The following ARHGAP42 variants were observed in gnomAD, a reference collection of about 807,000 sequenced individuals.
ARHGAP42 encodes the protein rho GTPase-activating protein 42.
A neutral mutation model predicts 125.0 loss-of-function variants in ARHGAP42; 63 were observed. That is an observed-to-expected ratio of 0.50 (90% CI 0.41 to 0.62). The LOEUF (loss-of-function observed/expected upper bound fraction) is 0.62, where lower values mean the gene tolerates loss of function less well. Among genes scored for constraint, ARHGAP42 ranks in the 20% least tolerant of loss-of-function variants. The probability of loss-of-function intolerance (pLI) is 0.00; values close to 1 mark genes in which losing one functional copy is unlikely to be tolerated. For synonymous variants in ARHGAP42, 339 were observed against 351.0 expected (o/e 0.97, Z 0.38); for missense variants, 766 against 1,024.2 (o/e 0.75, Z 3.44).
intron 12 of ARHGAP42, among the ~76,000 whole-genome samples, chr11:100,954,856 A>G (rs1304577446): frequency 6.6e-6 from 1 of 152,164 alleles, no homozygotes; most frequent in Non-Finnish European, 1.5e-5. Flanking sequence ...TAAATGTACT[A>G]ATTTATTTTT....
chr11:100,840,222 A>G (rs1222445351), intron 3 of ARHGAP42, among the ~76,000 whole-genome samples: 1 of 152,160 alleles, frequency 6.6e-6, no homozygotes, highest in Non-Finnish European at 1.5e-5. Context: ...CCTACAAAGT[A>G]ACGTCACAAA....
intron 2 of ARHGAP42, among the ~76,000 whole-genome samples, chr11:100,772,774 A>T (rs1173007777): frequency 6.6e-6 from 1 of 152,236 alleles, no homozygotes; most frequent in African/African-American, 2.4e-5. Flanking sequence ...TAAAATACAA[A>T]TATATTAGCA....
intron 8 of ARHGAP42, among the ~76,000 whole-genome samples, chr11:100,938,679 C>G (rs1036252413): frequency 2.6e-5 from 4 of 152,090 alleles, no homozygotes; most frequent in African/African-American, 9.7e-5. Context: ...CTGTTCCCAC[C>G]TATCATCTTC....
chr11:100,898,273 G>T (rs1168854586), intron 4 of ARHGAP42, among the ~76,000 whole-genome samples: 1 of 152,170 alleles, frequency 6.6e-6, no homozygotes, highest in Non-Finnish European at 1.5e-5. Flanking sequence ...TTACGTCGAT[G>T]TTCATCAGGG....
intron 3 of ARHGAP42, among the ~76,000 whole-genome samples, chr11:100,813,415 G>A (rs945300878): frequency 6.6e-6 from 1 of 152,188 alleles, no homozygotes; most frequent in South Asian, 2.1e-4. Context: ...GGGACTGTAG[G>A]GGGTAACAGG....
intron 1 of ARHGAP42, among the ~76,000 whole-genome samples, chr11:100,748,716 T>C (rs1862365544): frequency 6.6e-6 from 1 of 152,260 alleles, no homozygotes; most frequent in Non-Finnish European, 1.5e-5. Context: ...TATGGGTTAC[T>C]GGGTTAAGGA....
chr11:100,785,893 G>C (rs1264871945), intron 2 of ARHGAP42, among the ~76,000 whole-genome samples: 4 of 152,078 alleles, frequency 2.6e-5, no homozygotes, highest in African/African-American at 9.7e-5. Flanking sequence ...TGACAATAAT[G>C]GTTTGTTGGG....
chr11:100,722,279 T>TTA (rs1416455069), intron 1 of ARHGAP42, among the ~76,000 whole-genome samples: 1 of 152,242 alleles, frequency 6.6e-6, no homozygotes, highest in African/African-American at 2.4e-5. Context: ...TTTGCCTTTT[T>TTA]TATATCTGGG....
At chr11:100,725,214 A>G (rs1162901509) in intron 1 of ARHGAP42, among the ~76,000 whole-genome samples, 6 of 150,214 alleles carry the variant, frequency 4.0e-5, no homozygotes, top group African/African-American at 1.5e-4. Flanking sequence ...CTCTGTAGCC[A>G]GGCCGGAATG....
chr11:100,788,757 G>A (rs1410002866), intron 2 of ARHGAP42, among the ~76,000 whole-genome samples: 1 of 152,096 alleles, frequency 6.6e-6, no homozygotes, highest in Non-Finnish European at 1.5e-5. Context: ...ACCCTGTTTT[G>A]CTGACATGGT....
chr11:100,709,510 GTA>G (rs1183582422), intron 1 of ARHGAP42, among the ~76,000 whole-genome samples: 14 of 152,142 alleles, frequency 9.2e-5, no homozygotes, highest in African/African-American at 3.4e-4. Context: ...AGAATGGCAT[GTA>G]ATTTAAAACT....
chr11:100,969,125 GGATAGAA>G (rs1858173377), intron 17 of ARHGAP42, among the ~76,000 whole-genome samples: 2 of 152,014 alleles, frequency 1.3e-5, no homozygotes, highest in Admixed American at 1.3e-4. Context: ...TAGTTTTGCT[GGATAGAA>G]GATTCTTAGT....
Position 100,992,957 on chromosome 11 carries a change from C to G in ARHGAP42, c.*4156C>G. 2.4e-6 allele frequency: 1 copy of G among 423,752 alleles called. No individual in the cohort carries two copies. 26.2% of individuals were successfully genotyped at this position (423,752 alleles called of 1,614,324 possible). ...TTCAGTGTGGATTTTTCTTGGTGCT[C>G]TATGGAGAAATGGAGTCTGTGTGCT... is the stretch of plus-strand genomic sequence containing the variant. On this transcript the variant is annotated 3_prime_UTR_variant, in exon 24 of 24. Transcript: ENST00000298815.
At chr11:100,774,292 C>T (rs1565208287) in intron 2 of ARHGAP42, among the ~76,000 whole-genome samples, 1 of 152,166 alleles carries the variant, frequency 6.6e-6, no homozygotes, top group Non-Finnish European at 1.5e-5. Context: ...ATAAGGATCA[C>T]GCTTGTCCAC....
chr11:100,972,012 A>C (rs1436500319), intron 17 of ARHGAP42, among the ~76,000 whole-genome samples: 1 of 152,186 alleles, frequency 6.6e-6, no homozygotes, highest in African/African-American at 2.4e-5. Context: ...ATTAAAAGGA[A>C]ACTTGGAATG....
chr11:100,777,588 A>G (rs1042288415), intron 2 of ARHGAP42, among the ~76,000 whole-genome samples: 6 of 152,226 alleles, frequency 3.9e-5, no homozygotes, highest in Non-Finnish European at 7.3e-5. Flanking sequence ...AAAGTATGGG[A>G]AACAATTTAC....
chr11:100,721,178 T>C (rs1861751720), intron 1 of ARHGAP42, among the ~76,000 whole-genome samples: 1 of 152,222 alleles, frequency 6.6e-6, no homozygotes, highest in Admixed American at 6.5e-5. Context: ...TTTTGGCAAA[T>C]GCACAATGTC....
At chr11:100,831,273 C>T (rs1428024188) in intron 3 of ARHGAP42, among the ~76,000 whole-genome samples, 1 of 152,020 alleles carries the variant, frequency 6.6e-6, no homozygotes, top group Non-Finnish European at 1.5e-5. Flanking sequence ...CATCAGTATC[C>T]TCATAAACAT....
intron 1 of ARHGAP42, among the ~76,000 whole-genome samples, chr11:100,759,678 A>G (rs540070691): frequency 6.6e-6 from 1 of 152,308 alleles, no homozygotes; most frequent in Admixed American, 6.5e-5. Flanking sequence ...TACATCTAAT[A>G]CGAGAGGAGG....
Sources: gnomAD v4.1 joint callset for allele counts (sites outside exome capture counted in the v4.1 genomes callset) on GRCh38, gnomAD v4.1.1 for gene constraint, MANE v1.5 for transcripts, NCBI Gene and HGNC (gene_info 2026-07-23, HGNC 2026-07-21) for gene names.